The following GLIS3 variants were observed in gnomAD, a reference collection of about 807,000 sequenced individuals.
The protein encoded by GLIS3 is zinc finger protein GLIS3.
A neutral mutation model predicts 78.6 loss-of-function variants in GLIS3; 53 were observed. The ratio of observed to expected loss-of-function variants is 0.67; its 90% CI spans 0.54 to 0.85. The LOEUF (loss-of-function observed/expected upper bound fraction) is 0.85. Among genes scored for constraint, GLIS3 ranks in the 40% least tolerant of loss-of-function variants. The pLI, the probability that GLIS3 is intolerant of heterozygous loss-of-function variation, is 0.00. For missense variants in GLIS3, 1,703 were observed against 1,231.1 expected (o/e 1.38, Z -5.74); for synonymous variants, 684 against 509.9 (o/e 1.34, Z -4.60).
At position 3,861,990 on chromosome 9, in the gene GLIS3, C is replaced by T. The variant is rs533529962; in HGVS notation, c.2298-5806G>A. On this transcript the variant is annotated intron_variant, in intron 8 of 10. Coordinates refer to ENST00000381971, the MANE Select transcript of GLIS3 (RefSeq NM_001042413.2). Reference sequence around the variant, plus strand: ...GAAAGTGAAGCATTTACTCATGTGGCTGATTTTCTAGTTCTAGAAGTAGTT... The same window carrying T: ...GAAAGTGAAGCATTTACTCATGTGGTTGATTTTCTAGTTCTAGAAGTAGTT... Among the ~76,000 whole-genome samples, 4 of 152,176 alleles carry T rather than the reference C, an allele frequency of 2.6e-5. No individual in the cohort carries two copies. In the South Asian group the frequency reaches 8.3e-4, roughly 32 times the overall value.
chr9:3,866,215 T>C (rs1466238170), intron 8 of GLIS3, among the ~76,000 whole-genome samples: 3 of 152,224 alleles, frequency 2.0e-5, no homozygotes, highest in South Asian at 2.1e-4. Flanking sequence ...CAACCTGACA[T>C]AGTCTCTGTG....
chr9:4,288,750 A>AT (rs544522620), intron 1 of GLIS3, among the ~76,000 whole-genome samples: 722 of 23,162 alleles, frequency 0.031, 10 homozygotes, highest in African/African-American at 0.038. Context: ...TAAAAACAAC[A>AT]AAAAGTATAC....
the GLIS3 span, among the ~76,000 whole-genome samples, chr9:4,369,375 GAAC>G: frequency 1.3e-5 from 2 of 152,182 alleles, no homozygotes; most frequent in South Asian, 2.1e-4. Flanking sequence ...TGTAAAATAA[GAAC>G]AATAATACCA....
chr9:3,896,987 C>A (rs1056228846), intron 7 of GLIS3, among the ~76,000 whole-genome samples: 1 of 152,154 alleles, frequency 6.6e-6, no homozygotes, highest in African/African-American at 2.4e-5. Flanking sequence ...ACATTTCAAG[C>A]TGAACCTTAA....
At chr9:4,253,508 G>A (rs911140507) in intron 2 of GLIS3, among the ~76,000 whole-genome samples, 11 of 152,346 alleles carry the variant, frequency 7.2e-5, no homozygotes, top group African/African-American at 2.6e-4. Context: ...TGCTGACAGT[G>A]ACAATTTGAA....
intron 2 of GLIS3, among the ~76,000 whole-genome samples, chr9:4,329,791 T>C (rs1817657447): frequency 6.6e-6 from 1 of 152,150 alleles, no homozygotes; most frequent in Non-Finnish European, 1.5e-5. Flanking sequence ...TTACAACGTA[T>C]TAATACTGTC....
At chr9:4,296,739 C>T (rs998565089) in intron 1 of GLIS3, among the ~76,000 whole-genome samples, 6 of 151,862 alleles carry the variant, frequency 4.0e-5, no homozygotes, top group African/African-American at 1.5e-4. Flanking sequence ...TACAAACTAC[C>T]AATAAGGACA....
intron 2 of GLIS3, among the ~76,000 whole-genome samples, chr9:4,325,654 T>C (rs996413416): frequency 2.0e-5 from 3 of 152,232 alleles, no homozygotes; most frequent in Non-Finnish European, 4.4e-5. Context: ...CACTTAGGAT[T>C]CACTTCCACC....
At chr9:4,291,286 C>T (rs1206452894) in intron 1 of GLIS3, among the ~76,000 whole-genome samples, 3 of 151,966 alleles carry the variant, frequency 2.0e-5, no homozygotes, top group Non-Finnish European at 4.4e-5. Flanking sequence ...AAATTAGTGT[C>T]CTCTGCAGGG....
At chr9:3,962,756 C>G (rs1390797445) in intron 4 of GLIS3, among the ~76,000 whole-genome samples, 2 of 152,122 alleles carry the variant, frequency 1.3e-5, no homozygotes, top group African/African-American at 4.8e-5. Flanking sequence ...CAGCTGAGTG[C>G]TAATGATGTC....
chr9:4,043,537 C>G, intron 4 of GLIS3, among the ~76,000 whole-genome samples: 1 of 151,892 alleles, frequency 6.6e-6, no homozygotes, highest in Non-Finnish European at 1.5e-5. Context: ...TAAATCATAT[C>G]CTAAAGAAGG....
the GLIS3 span, among the ~76,000 whole-genome samples, chr9:4,423,096 C>T: frequency 6.6e-6 from 1 of 151,912 alleles, no homozygotes; most frequent in African/African-American, 2.4e-5. Flanking sequence ...GGTGGGGTCC[C>T]CTGAAAAAGG....
At chr9:4,357,869 G>T in the GLIS3 span, among the ~76,000 whole-genome samples, 2 of 152,218 alleles carry the variant, frequency 1.3e-5, no homozygotes, top group African/African-American at 4.8e-5. Flanking sequence ...TGCCTCTGAA[G>T]TGGACAAAGA....
intron 2 of GLIS3, among the ~76,000 whole-genome samples, chr9:4,180,164 G>A (rs1340561815): frequency 3.9e-5 from 6 of 152,242 alleles, no homozygotes; most frequent in East Asian, 3.9e-4. Context: ...AGAACAGAAT[G>A]AGGGTTTCAG....
chr9:4,337,920 C>T (rs1018009740), intron 2 of GLIS3, among the ~76,000 whole-genome samples: 1 of 151,810 alleles, frequency 6.6e-6, no homozygotes, highest in Non-Finnish European at 1.5e-5. Flanking sequence ...AATATTTGCC[C>T]CAAACCACAC....
the GLIS3 span, among the ~76,000 whole-genome samples, chr9:4,359,296 C>G: frequency 6.6e-6 from 1 of 152,080 alleles, no homozygotes; most frequent in African/African-American, 2.4e-5. Context: ...GCATATGGCT[C>G]ATCAGATCTT....
intron 1 of GLIS3, among the ~76,000 whole-genome samples, chr9:4,289,477 A>G (rs556876496): frequency 6.0e-4 from 91 of 152,182 alleles, no homozygotes; most frequent in Non-Finnish European, 1.1e-3. Flanking sequence ...CATGAACAAC[A>G]AATTTCAACA....
At chr9:4,247,170 G>T (rs7035186) in intron 2 of GLIS3, among the ~76,000 whole-genome samples, 1 of 152,060 alleles carries the variant, frequency 6.6e-6, no homozygotes, top group African/African-American at 2.4e-5. Context: ...AGTATCTCAA[G>T]TCTCCACAAA....
At chr9:4,249,209 G>C (rs542496865) in intron 2 of GLIS3, among the ~76,000 whole-genome samples, 3 of 152,102 alleles carry the variant, frequency 2.0e-5, no homozygotes, top group African/African-American at 4.8e-5. Flanking sequence ...AAATTACTTT[G>C]GGTAGTATGG....
Sources: allele counts gnomAD v4.1 joint callset (sites outside exome capture counted in the v4.1 genomes callset), GRCh38; gene constraint gnomAD v4.1.1; transcripts MANE v1.5; gene names NCBI Gene and HGNC (gene_info 2026-07-23, HGNC 2026-07-21).